The following ZSCAN32 variants were observed in gnomAD, a reference collection of about 807,000 sequenced individuals.
ZSCAN32 encodes the protein zinc finger and SCAN domain containing 32.
ZSCAN32 carries 52 observed loss-of-function variants against 47.4 expected under a neutral mutation model. The ratio of observed to expected loss-of-function variants is 1.10; its 90% CI spans 0.88 to 1.38. The LOEUF is 1.38. Among genes scored for constraint, ZSCAN32 ranks in the 40% most tolerant of loss-of-function variants. The pLI is 0.00. For missense variants in ZSCAN32, 959 were observed against 846.0 expected, an observed-to-expected ratio of 1.13 and a Z score of -1.66; for synonymous variants, 346 against 305.7, an observed-to-expected ratio of 1.13 and a Z score of -1.38.
At chr16:3,386,938 TAAAA>T (rs34104039) in intron 5 of ZSCAN32, among the ~76,000 whole-genome samples, 121 of 141,204 alleles carry the variant, frequency 8.6e-4, no homozygotes, top group African/African-American at 2.5e-3. Context: ...GCTTAAAGTA[TAAAA>T]AAAAAAAAAA....
intron 3 of ZSCAN32, among the ~76,000 whole-genome samples, 195 bp from the exon 4 acceptor site, chr16:3,390,712 C>G (rs938108915): frequency 6.6e-6 from 1 of 152,214 alleles, no homozygotes; most frequent in African/African-American, 2.4e-5. Context: ...TGTTTTATCA[C>G]TCTCCCACCT....
intron 3 of ZSCAN32, among the ~76,000 whole-genome samples, chr16:3,392,439 C>G (rs933005403): frequency 1.3e-5 from 2 of 149,628 alleles, no homozygotes; most frequent in African/African-American, 2.5e-5. Flanking sequence ...GTCTCGACTC[C>G]TAGGCTCAAG....
At chr16:3,393,322 T>C in intron 3 of ZSCAN32, among the ~76,000 whole-genome samples, 1 of 125,176 alleles carries the variant, frequency 8.0e-6, no homozygotes, top group Non-Finnish European at 1.6e-5. Flanking sequence ...ACTGCAACCT[T>C]CACCTCCTGG....
Position 3,390,106 on chromosome 16 carries a change from C to T in ZSCAN32, c.655G>A (p.Val219Ile), listed in dbSNP as rs906152803. Residue 219 changes from valine (V) to isoleucine (I), a missense_variant, in exon 5 of 7, where the codon GTA (valine) becomes ATA (isoleucine). By Grantham distance (29) the Val-to-Ile change is conservative. Transcript: ENST00000396852. ...ATCCATTCTTGCTGACAGAGGGATA[C>T]AGCTCTGTTGTCACGCATGGCTGGT... ...QGPAMRDNRAVSLCQQEWMCP... is the reference protein window; with the variant it reads ...QGPAMRDNRAISLCQQEWMCP... 5.6e-6 allele frequency: 9 copies of T among 1,613,408 alleles called. No homozygotes were observed. In the Admixed American group the frequency reaches 6.7e-5, roughly 12 times the overall value.
Position 3,383,228 on chromosome 16 carries a change from C to A in ZSCAN32, c.1718G>T (p.Gly573Val), listed in dbSNP as rs1567299186. ...TTGCCCACACTGATAGGGCCTCTCC[C>A]CTGTGTGAGTTCGTAGGTGGGCAGT... Reference protein sequence around the residue: ...NLTAHLRTHTGERPYQCGQCG... With the variant: ...NLTAHLRTHTVERPYQCGQCG... The change falls in exon 7 of 7, where the codon GGG becomes GTG. Residue 573 changes from glycine (G) to valine (V), a missense_variant. Physicochemically the swap from Gly to Val is moderately radical, Grantham distance 109. Transcript: ENST00000396852. 9 of 1,614,130 alleles carry A rather than the reference C, an allele frequency of 5.6e-6. No homozygotes were observed. Among genetic ancestry groups the A allele is most frequent in the Non-Finnish European group, 7.6e-6 (9 of 1,179,998 alleles).
At chr16:3,385,830 C>G (rs1305156302) in intron 5 of ZSCAN32, among the ~76,000 whole-genome samples, 1 of 152,164 alleles carries the variant, frequency 6.6e-6, no homozygotes, top group Admixed American at 6.5e-5. Flanking sequence ...AGACCTAAAA[C>G]CATAAAAACC....
At position 3,397,213 on chromosome 16, in the gene ZSCAN32, T is replaced by C. The variant is rs750941286; in HGVS notation, c.345A>G (p.Val115=). The C allele has an allele frequency of 2.5e-5, 39 of 1,549,174 alleles. No individual in the cohort carries two copies. In the South Asian group the frequency reaches 4.2e-4, roughly 17 times the overall value. The change falls in exon 2 of 7, where the codon GTA becomes GTG. Residue 115 remains valine, a synonymous_variant. Transcript: ENST00000396852. ...GEEAVALVED[V]QRAPGQQVLD... ...TCACCTGTTGTCCAGGAGCTCTCTG[T>C]ACATCCTCAACCAGAGCCACAGCTT...
At position 3,382,738 on chromosome 16, in the gene ZSCAN32, T is replaced by A. The variant is rs920943895; in HGVS notation, c.*114A>T. The A allele has an allele frequency of 5.4e-6, 8 of 1,472,210 alleles. No individual in the cohort carries two copies. The Admixed American group carries it at 1.9e-4, about 35-fold the overall frequency. 91.2% of individuals were successfully genotyped at this position (1,472,210 alleles called of 1,614,324 possible). On this transcript the variant is annotated 3_prime_UTR_variant, in exon 7 of 7. Transcript: ENST00000396852. ...CTGGTCCTAGACATGGGTCTTAAGA[T>A]CCAGTAGTCAGTAGGTCTGTTGCAA...
At chr16:3,400,720 G>C (rs1157766605) in intron 1 of ZSCAN32, among the ~76,000 whole-genome samples, 4 of 152,214 alleles carry the variant, frequency 2.6e-5, no homozygotes, top group Non-Finnish European at 5.9e-5. Flanking sequence ...GGGGTCCCGG[G>C]GCGCCGGCGC....
intron 2 of ZSCAN32, among the ~76,000 whole-genome samples, chr16:3,396,511 G>T (rs181613606): frequency 2.0e-5 from 3 of 152,202 alleles, no homozygotes; most frequent in Admixed American, 2.0e-4. Context: ...GCTGACCAAC[G>T]TTCCTCTGAC....
At chr16:3,392,300 A>C (rs1037398343) in intron 3 of ZSCAN32, among the ~76,000 whole-genome samples, 8 of 152,138 alleles carry the variant, frequency 5.3e-5, no homozygotes, top group Non-Finnish European at 8.8e-5. Flanking sequence ...AACACTGTGA[A>C]TGTACTAAGC....
rs551059227 is a variant in ZSCAN32 at position 3,396,499 on chromosome 16, A to T, written c.366+693T>A. ...TCCTGCTCTGATCACAGACCCACTC[A>T]GGCTGACCAACGTTCCTCTGACCTG... On this transcript the variant is annotated intron_variant, in intron 2 of 6. Coordinates refer to ENST00000396852, the MANE Select transcript of ZSCAN32 (RefSeq NM_001284527.2). Among the ~76,000 whole-genome samples the T allele has an allele frequency of 2.6e-5, 4 of 152,250 alleles. No individual in the cohort carries two copies. The South Asian group carries it at 8.3e-4, about 32-fold the overall frequency.
intron 1 of ZSCAN32, among the ~76,000 whole-genome samples, chr16:3,399,674 G>T (rs1389549598): frequency 6.6e-6 from 1 of 152,100 alleles, no homozygotes. Flanking sequence ...TCAAACTCCT[G>T]AACTCAAGCA....
Position 3,384,590 on chromosome 16 carries a change from T to C in ZSCAN32, c.1103A>G (p.His368Arg). The C allele has an allele frequency of 6.2e-7, 1 of 1,614,188 alleles. No individual in the cohort carries two copies. Among genetic ancestry groups the C allele is most frequent in the East Asian group, 2.2e-5 (1 of 44,886 alleles). ...TACCTCCGTGGGTTCCCCATTCTGGTGATTCAGCTCTCCAGCCTCAATATC... is the reference window on the plus strand; with the variant it reads ...TACCTCCGTGGGTTCCCCATTCTGGCGATTCAGCTCTCCAGCCTCAATATC... ...GSDIEAGELN[H>R]QNGEPTEVED... The change falls in exon 6 of 7, where the codon CAC (histidine) becomes CGC (arginine). Residue 368 changes from histidine (H) to arginine (R), a missense_variant. Coordinates refer to ENST00000396852, the MANE Select transcript of ZSCAN32 (RefSeq NM_001284527.2).
At position 3,390,477 on chromosome 16, in the gene ZSCAN32, G is replaced by C; in HGVS notation, c.573C>G (p.Asn191Lys). ...CTGTCTCCTGGTCGTGGAGACCTGT[G>C]TTTTGAGGCAGGTTCCTGGGAGCCT... The part of the protein sequence containing the change: ...APQAPRNLPQ[N>K]TGLHDQETGA... The change falls in exon 4 of 7, where the codon AAC becomes AAG. Residue 191 changes from asparagine (N) to lysine (K), a missense_variant. Asn to Lys is a moderately conservative substitution (Grantham distance 94). Transcript: ENST00000396852. 1 of 1,549,674 alleles carries C rather than the reference G, an allele frequency of 6.5e-7. No individual in the cohort carries two copies. The highest frequency in any genetic ancestry group is 8.7e-7 in the Non-Finnish European group (1 of 1,146,948).
At chr16:3,395,874 T>C (rs1376456056) in intron 2 of ZSCAN32, among the ~76,000 whole-genome samples, 1 of 152,218 alleles carries the variant, frequency 6.6e-6, no homozygotes, top group Non-Finnish European at 1.5e-5. Context: ...GGTGTGCACC[T>C]GTAGTCCCAG....
chr16:3,395,713 T>A (rs2033308286), intron 2 of ZSCAN32, among the ~76,000 whole-genome samples: 2 of 152,158 alleles, frequency 1.3e-5, no homozygotes, highest in South Asian at 4.1e-4. Flanking sequence ...ATATTAAGAG[T>A]GTGGGCCGGG....
At position 3,397,723 on chromosome 16, in the gene ZSCAN32, A is replaced by G. The variant is rs2033513420; in HGVS notation, c.-166T>C. The stretch of plus-strand genomic sequence containing the variant: ...GTGTAGAGACTCACAGCGGAAAAAA[A>G]GGGCTCAACTTTGAAGGATGTCTGA... On this transcript the variant is annotated 5_prime_UTR_variant, in exon 2 of 7. Coordinates refer to ENST00000396852, the MANE Select transcript of ZSCAN32 (RefSeq NM_001284527.2). The G allele has an allele frequency of 3.1e-5, 26 of 838,404 alleles. No homozygotes were observed. The highest frequency in any genetic ancestry group is 4.2e-5 in the Non-Finnish European group (24 of 569,782). 51.9% of individuals were successfully genotyped at this position (838,404 alleles called of 1,614,324 possible). A position where few individuals can be genotyped will look rare whatever the true frequency, so the allele number is the denominator to read the frequency against.
chr16:3,393,239 T>TAAAA (rs372485512), intron 3 of ZSCAN32, among the ~76,000 whole-genome samples: 2 of 18,660 alleles, frequency 1.1e-4, no homozygotes, highest in African/African-American at 9.3e-4. Flanking sequence ...AATTTATATA[T>TAAAA]TTTATATATA....
Sources: gnomAD v4.1 joint callset for allele counts (sites outside exome capture counted in the v4.1 genomes callset) on GRCh38, gnomAD v4.1.1 for gene constraint, MANE v1.5 for transcripts, NCBI Gene and HGNC (gene_info 2026-07-23, HGNC 2026-07-21) for gene names.